Variants in RNF26 observed in about 807,000 individuals in gnomAD.
RNF26 encodes the protein E3 ubiquitin-protein ligase RNF26.
In RNF26, 8 loss-of-function variants were observed where a neutral mutation model predicts 25.4. That is an observed-to-expected ratio of 0.31 (90% CI 0.18 to 0.57). The LOEUF (loss-of-function observed/expected upper bound fraction) is 0.57. Ranked by LOEUF, RNF26 falls within the 20% of genes least tolerant of loss-of-function variation. The pLI is 0.90. For missense variants in RNF26, 470 were observed against 552.0 expected, an observed-to-expected ratio of 0.85 and a Z score of 1.49; for synonymous variants, 262 against 246.7, an observed-to-expected ratio of 1.06 and a Z score of -0.58.
rs1950445643 is a variant in RNF26, at chr11:119,337,043, T to G, written c.*619T>G. On this transcript the variant is annotated 3_prime_UTR_variant, in exon 1 of 1. Transcript: ENST00000311413. ...TTACCCCTGGGATGGGGGATGCATC[T>G]GCACCTGACTTTGGGGCCACGTGCC... The G allele has an allele frequency of 5.9e-6, 1 of 169,398 alleles. No individual in the cohort carries two copies. Among genetic ancestry groups the G allele is most frequent in the Non-Finnish European group, 1.5e-5 (1 of 68,722 alleles). 10.5% of individuals were successfully genotyped at this position (169,398 alleles called of 1,614,324 possible). A position where few individuals can be genotyped will look rare whatever the true frequency, so the allele number is the denominator to read the frequency against.
Position 119,335,290 on chromosome 11 carries a change from C to G in RNF26, c.168C>G (p.His56Gln). ...LPHTVLTSLL[H>Q]LGRGVLLSLL... ...ACACGGTACTGACTAGTCTTCTGCA[C>G]TTGGGCCGCGGAGTCTTGCTTTCAT... Residue 56 changes from histidine (H) to glutamine (Q), a missense_variant, in exon 1 of 1, where the codon CAC becomes CAG. His to Gln is a conservative substitution (Grantham distance 24). Transcript: ENST00000311413. The G allele has an allele frequency of 6.2e-7, 1 of 1,614,212 alleles. No individual in the cohort carries two copies.
chr11:119,336,132 C>G lies in RNF26; in HGVS notation c.1010C>G (p.Ala337Gly), dbSNP rs994324812. ...CCTGAAGCGGGGCGCAGATCAGAGG[C>G]AGAAGAGGAGGAGGCCAGGACCATC... ...TLPEAGRRSE[A>G]EEEEARTIRV... The change falls in exon 1 of 1, where the codon GCA (alanine) becomes GGA (glycine). Residue 337 changes from alanine (A) to glycine (G), a missense_variant. Transcript: ENST00000311413. 2.5e-6 allele frequency: 4 copies of G among 1,614,138 alleles called. No homozygotes were observed. Among genetic ancestry groups the G allele is most frequent in the Non-Finnish European group, 3.4e-6 (4 of 1,180,030 alleles).
chr11:119,334,808 ACACCAGG>A lies in RNF26; in HGVS notation c.-312_-306del. 2.4e-6 allele frequency: 1 copy of A among 414,870 alleles called. No individual in the cohort carries two copies. The highest frequency in any genetic ancestry group is 2.8e-5 in the South Asian group (1 of 36,256). 25.7% of individuals were successfully genotyped at this position (414,870 alleles called of 1,614,324 possible). A position where few individuals can be genotyped will look rare whatever the true frequency, so the allele number is the denominator to read the frequency against. ...ACCCGTTGCCCGGCCGTGGTTCGCC[ACACCAGG>A]CATCCAAAGCTGAGGTCGCTCCTAC... On this transcript the variant is annotated 5_prime_UTR_variant, in exon 1 of 1. Coordinates refer to ENST00000311413, the MANE Select transcript of RNF26 (RefSeq NM_032015.5).
rs1406954037 is a variant in RNF26, at chr11:119,336,727, TG to T, written c.*307del. On this transcript the variant is annotated 3_prime_UTR_variant, in exon 1 of 1. Coordinates refer to ENST00000311413, the MANE Select transcript of RNF26 (RefSeq NM_032015.5). Reference sequence around the variant, plus strand: ...TGCCCAGGGCCCACCCAGATGCCTCTGGGGTTACCCCTGTCTGCTTCTGGTT... The same window carrying T: ...TGCCCAGGGCCCACCCAGATGCCTCTGGGTTACCCCTGTCTGCTTCTGGTT... 1 of 437,238 alleles carries T rather than the reference TG, an allele frequency of 2.3e-6. No homozygotes were observed. Among genetic ancestry groups the T allele is most frequent in the Non-Finnish European group, 4.2e-6 (1 of 235,372 alleles). 27.1% of individuals were successfully genotyped at this position (437,238 alleles called of 1,614,324 possible).
chr11:119,334,995 C>A lies in RNF26; in HGVS notation c.-128C>A, dbSNP rs566460896. On this transcript the variant is annotated 5_prime_UTR_variant, in exon 1 of 1. It introduces an in-frame stop codon into an upstream open reading frame of the 5' UTR. Transcript: ENST00000311413. ...CCACTTCTTCCTCAGATTCTTGGTA[C>A]CCCCTGGGTTGGAGACTGCTCATTT... 3.1e-5 allele frequency: 21 copies of A among 680,442 alleles called. No homozygotes were observed. The East Asian group carries it at 5.7e-4, about 18-fold the overall frequency. 42.2% of individuals were successfully genotyped at this position (680,442 alleles called of 1,614,324 possible).
At position 119,336,527 on chromosome 11, in the gene RNF26, A is replaced by C. The variant is rs1244395105; in HGVS notation, c.*103A>C. On this transcript the variant is annotated 3_prime_UTR_variant, in exon 1 of 1. Transcript: ENST00000311413. ...CGGGTCCTGGTCTGAATCCCCTCCT[A>C]CCCCTGTGGCCATCCTGCCATACAT... 7.0e-6 allele frequency: 7 copies of C among 996,562 alleles called. No homozygotes were observed. Among genetic ancestry groups the C allele is most frequent in the Non-Finnish European group, 8.9e-6 (6 of 671,680 alleles). 61.7% of individuals were successfully genotyped at this position (996,562 alleles called of 1,614,324 possible).
Position 119,336,131 on chromosome 11 carries a change from G to A in RNF26, c.1009G>A (p.Ala337Thr), listed in dbSNP as rs1245577884. Residue 337 changes from alanine to threonine, a missense_variant, in exon 1 of 1, where the codon GCA becomes ACA. Coordinates refer to ENST00000311413, the MANE Select transcript of RNF26 (RefSeq NM_032015.5). ...TCCTGAAGCGGGGCGCAGATCAGAGGCAGAAGAGGAGGAGGCCAGGACCAT... is the reference window on the plus strand; with the variant it reads ...TCCTGAAGCGGGGCGCAGATCAGAGACAGAAGAGGAGGAGGCCAGGACCAT... The part of the protein sequence containing the change: ...TLPEAGRRSE[A>T]EEEEARTIRV... 1 of 1,614,076 alleles carries A rather than the reference G, an allele frequency of 6.2e-7. No individual in the cohort carries two copies. Among genetic ancestry groups the A allele is most frequent in the Non-Finnish European group, 8.5e-7 (1 of 1,180,052 alleles).
Position 119,335,465 on chromosome 11 carries a change from C to T in RNF26, c.343C>T (p.Leu115=), listed in dbSNP as rs762254454. Residue 115 remains leucine (L), a synonymous_variant, in exon 1 of 1, where the codon CTG becomes TTG. Coordinates refer to ENST00000311413, the MANE Select transcript of RNF26 (RefSeq NM_032015.5). ...TGGGGCACTGCGGAGCAGGGAGATA[C>T]TGCACCGGGGCGTCCTCAATGTGGT... ...SHGALRSREI[L]HRGVLNVVSS... 2.5e-6 allele frequency: 4 copies of T among 1,613,492 alleles called. No individual in the cohort carries two copies. The highest frequency in any genetic ancestry group is 2.2e-5 in the South Asian group (2 of 91,060).
At position 119,335,939 on chromosome 11, in the gene RNF26, G is replaced by A. The variant is rs1375547541; in HGVS notation, c.817G>A (p.Asp273Asn). 6.2e-7 allele frequency: 1 copy of A among 1,611,072 alleles called. No homozygotes were observed. Among genetic ancestry groups the A allele is most frequent in the Non-Finnish European group, 8.5e-7 (1 of 1,180,028 alleles). ...GCCATCCTACCACCGTCTTCGAGAG[G>A]ATGTCATGCGGCTCTCTCGCCTAGC... ...ARPSYHRLRE[D>N]VMRLSRLALG... The change falls in exon 1 of 1, where the codon GAT becomes AAT. Residue 273 changes from aspartate (D) to asparagine (N), a missense_variant. By Grantham distance (23) the Asp-to-Asn change is conservative. Transcript: ENST00000311413.
At position 119,336,531 on chromosome 11, in the gene RNF26, C is replaced by G; in HGVS notation, c.*107C>G. 7.4e-6 allele frequency: 7 copies of G among 948,098 alleles called. No individual in the cohort carries two copies. The highest frequency in any genetic ancestry group is 1.1e-5 in the Non-Finnish European group (7 of 627,910). The allele number at this position is 948,098 out of a possible 1,614,324, so 58.7% of individuals were successfully genotyped here. A position where few individuals can be genotyped will look rare whatever the true frequency, so the allele number is the denominator to read the frequency against. On this transcript the variant is annotated 3_prime_UTR_variant, in exon 1 of 1. Coordinates refer to ENST00000311413, the MANE Select transcript of RNF26 (RefSeq NM_032015.5). ...TCCTGGTCTGAATCCCCTCCTACCCCTGTGGCCATCCTGCCATACATCCAG... is the reference window on the plus strand; with the variant it reads ...TCCTGGTCTGAATCCCCTCCTACCCGTGTGGCCATCCTGCCATACATCCAG...
Position 119,336,416 on chromosome 11 carries a change from T to C in RNF26, c.1294T>C (p.Tyr432His). 2 of 1,608,942 alleles carry C rather than the reference T, an allele frequency of 1.2e-6. No individual in the cohort carries two copies. Among genetic ancestry groups the C allele is most frequent in the Non-Finnish European group, 1.7e-6 (2 of 1,178,458 alleles). The change falls in exon 1 of 1, where the codon TAC becomes CAC. Residue 432 changes from tyrosine to histidine, a missense_variant. Physicochemically the swap from Tyr to His is moderately conservative, Grantham distance 83. Coordinates refer to ENST00000311413, the MANE Select transcript of RNF26 (RefSeq NM_032015.5). ...RRGILQTLNV[Y>H]L is the part of the protein sequence containing the mutation. ...GGGCATCCTGCAGACCCTCAATGTC[T>C]ACCTCTGAAGCCTCCTTCCCTGCCT... is the stretch of plus-strand genomic sequence containing the variant.
rs997708551 is a variant in RNF26 at position 119,335,484 on chromosome 11, A to T, written c.362A>T (p.Asn121Ile). Residue 121 changes from asparagine to isoleucine, a missense_variant, in exon 1 of 1, where the codon AAT becomes ATT. Coordinates refer to ENST00000311413, the MANE Select transcript of RNF26 (RefSeq NM_032015.5). Reference protein sequence around the residue: ...SREILHRGVLNVVSSGHALLR... With the variant: ...SREILHRGVLIVVSSGHALLR... The stretch of plus-strand genomic sequence containing the variant: ...GAGATACTGCACCGGGGCGTCCTCA[A>T]TGTGGTCTCCAGTGGCCATGCTTTG... 1.9e-6 allele frequency: 3 copies of T among 1,613,380 alleles called. No homozygotes were observed. Among genetic ancestry groups the T allele is most frequent in the Non-Finnish European group, 2.5e-6 (3 of 1,179,664 alleles).
At position 119,336,734 on chromosome 11, in the gene RNF26, A is replaced by T. The variant is rs1950443998; in HGVS notation, c.*310A>T. ...GGCCCACCCAGATGCCTCTGGGGTT[A>T]CCCCTGTCTGCTTCTGGTTTTTCTG... On this transcript the variant is annotated 3_prime_UTR_variant, in exon 1 of 1. Coordinates refer to ENST00000311413, the MANE Select transcript of RNF26 (RefSeq NM_032015.5). 1 of 397,482 alleles carries T rather than the reference A, an allele frequency of 2.5e-6. No homozygotes were observed. Among genetic ancestry groups the T allele is most frequent in the South Asian group, 5.6e-5 (1 of 17,914 alleles). 24.6% of individuals were successfully genotyped at this position (397,482 alleles called of 1,614,324 possible). A position where few individuals can be genotyped will look rare whatever the true frequency, so the allele number is the denominator to read the frequency against.
chr11:119,335,352 G>A lies in RNF26; in HGVS notation c.230G>A (p.Cys77Tyr). The change falls in exon 1 of 1, where the codon TGT becomes TAT. Residue 77 changes from cysteine to tyrosine, a missense_variant. Physicochemically the swap from Cys to Tyr is radical, Grantham distance 194. Coordinates refer to ENST00000311413, the MANE Select transcript of RNF26 (RefSeq NM_032015.5). ...ATCGAAGCCGTGGTCCGGTTCACATGTGGGGGCTTGCAGGCCTTGTGTACT... is the reference window on the plus strand; with the variant it reads ...ATCGAAGCCGTGGTCCGGTTCACATATGGGGGCTTGCAGGCCTTGTGTACT... ...ALIEAVVRFTCGGLQALCTLL... is the reference protein window; with the variant it reads ...ALIEAVVRFTYGGLQALCTLL... 6.2e-7 allele frequency: 1 copy of A among 1,614,230 alleles called. No homozygotes were observed. Among genetic ancestry groups the A allele is most frequent in the Non-Finnish European group, 8.5e-7 (1 of 1,180,046 alleles).
At position 119,335,153 on chromosome 11, in the gene RNF26, T is replaced by G. The variant is rs1489089154; in HGVS notation, c.31T>G (p.Leu11Val). Residue 11 changes from leucine (L) to valine (V), a missense_variant, in exon 1 of 1, where the codon TTG becomes GTG. Leu to Val is a conservative substitution (Grantham distance 32). Transcript: ENST00000311413. ...GGCAGTGTACCTGGTAGTGAATGGGTTGGGCCTGGTGCTGGACGTGCTGAC... is the reference window on the plus strand; with the variant it reads ...GGCAGTGTACCTGGTAGTGAATGGGGTGGGCCTGGTGCTGGACGTGCTGAC... Reference protein sequence around the residue: MEAVYLVVNGLGLVLDVLTLV... With the variant: MEAVYLVVNGVGLVLDVLTLV... 1 of 1,613,958 alleles carries G rather than the reference T, an allele frequency of 6.2e-7. No homozygotes were observed. The highest frequency in any genetic ancestry group is 1.3e-5 in the African/African-American group (1 of 74,914).
Position 119,335,413 on chromosome 11 carries a change from A to G in RNF26, c.291A>G (p.Leu97=). 6.2e-7 allele frequency: 1 copy of G among 1,614,146 alleles called. No individual in the cohort carries two copies. The highest frequency in any genetic ancestry group is 8.5e-7 in the Non-Finnish European group (1 of 1,180,002). The change falls in exon 1 of 1, where the codon CTA becomes CTG. Residue 97 remains leucine (L), a synonymous_variant. Coordinates refer to ENST00000311413, the MANE Select transcript of RNF26 (RefSeq NM_032015.5). The part of the protein sequence containing the change: ...LYSCCSGLES[L]KLLGHLASHG... ...GCTGCTGCTCTGGCCTAGAGAGCCT[A>G]AAGCTCCTGGGGCACCTGGCCTCTC...
chr11:119,336,318 G>T lies in RNF26; in HGVS notation c.1196G>T (p.Cys399Phe), dbSNP rs1052006482. 6.2e-7 allele frequency: 1 copy of T among 1,612,934 alleles called. No homozygotes were observed. The highest frequency in any genetic ancestry group is 1.3e-5 in the African/African-American group (1 of 74,930). Residue 399 changes from cysteine (C) to phenylalanine (F), a missense_variant, in exon 1 of 1, where the codon TGC (cysteine) becomes TTC (phenylalanine). By Grantham distance (205) the Cys-to-Phe change is radical. Coordinates refer to ENST00000311413, the MANE Select transcript of RNF26 (RefSeq NM_032015.5). ...TVLLLPCRHL[C>F]LCQACTEILM... ...TTGCTCCTGCCCTGCCGGCATCTGT[G>T]CCTGTGCCAGGCCTGCACTGAAATC...
In RNF26 at chr11:119,336,179, C is replaced by T. The variant is rs868280664; in HGVS notation, c.1057C>T (p.Arg353Ter). The T allele has an allele frequency of 3.1e-6, 5 of 1,613,986 alleles. No homozygotes were observed. Among genetic ancestry groups the T allele is most frequent in the African/African-American group, 2.7e-5 (2 of 74,924 alleles). The stretch of plus-strand genomic sequence containing the variant: ...CATCAGAGTGACACCTGTCAGGGGC[C>T]GAGAGAGGCTCAATGAGGAGGAGCC... ...RTIRVTPVRGRERLNEEEPPG... is the reference protein window; with the variant it reads ...RTIRVTPVRG The change falls in exon 1 of 1, where the codon CGA (arginine) becomes TGA (stop). Residue 353 changes from arginine to a stop codon, truncating the protein, a stop_gained. Transcript: ENST00000311413. LOFTEE classifies it high-confidence loss of function.
chr11:119,334,604 T>G lies in RNF26; in HGVS notation c.-519T>G. 1 of 165,566 alleles carries G rather than the reference T, an allele frequency of 6.0e-6. No individual in the cohort carries two copies. The allele number at this position is 165,566 out of a possible 1,614,324, so 10.3% of individuals were successfully genotyped here. ...AGCTGGCTGCCTCTCCCACTCCCCT[T>G]TTGGGTGCAAAGCGCCGCTAGCGGG... On this transcript the variant is annotated 5_prime_UTR_variant, in exon 1 of 1. Transcript: ENST00000311413.
Sources: gnomAD v4.1 joint callset for allele counts on GRCh38, gnomAD v4.1.1 for gene constraint, MANE v1.5 for transcripts, NCBI Gene and HGNC (gene_info 2026-07-23, HGNC 2026-07-21) for gene names.